The following TIGAR variants were observed in gnomAD, a reference collection of about 807,000 sequenced individuals.
The protein encoded by TIGAR is fructose-2,6-bisphosphatase TIGAR.
Under a neutral mutation model 17.9 loss-of-function variants are expected in TIGAR, and 7 were observed. The observed-to-expected ratio is 0.39, with a 90% confidence interval of 0.22 to 0.73. TIGAR has a LOEUF of 0.73. TIGAR is among the 30% of genes least tolerant of loss of function. The pLI is 0.42. For missense variants in TIGAR, 258 were observed against 327.4 expected (o/e 0.79, Z 1.64); for synonymous variants, 94 against 108.6 (o/e 0.87, Z 0.84).
chr12:4,328,213 T>C (rs10849038), intron 1 of TIGAR, among the ~76,000 whole-genome samples: 131,880 of 152,050 alleles, frequency 0.87, 57,337 homozygotes, highest in East Asian at 0.98. Flanking sequence ...TTTTTTGAGA[T>C]GAGGTCTTGC....
intron 3 of TIGAR, 85 bp downstream of exon 3, chr12:4,337,245 C>A: frequency 1.0e-6 from 1 of 964,636 alleles, no homozygotes; most frequent in Non-Finnish European, 1.5e-6. Flanking sequence ...CTGTTCACTG[C>A]AACCTCCATC....
intron 1 of TIGAR, among the ~76,000 whole-genome samples, chr12:4,330,670 T>G (rs1403018948): frequency 6.6e-6 from 1 of 152,166 alleles, no homozygotes; most frequent in African/African-American, 2.4e-5. Flanking sequence ...ACCCTTCCGG[T>G]TGGTTCAGAT....
Position 4,321,969 on chromosome 12 carries a change from G to T in TIGAR, c.32+666G>T, listed in dbSNP as rs1423722726. On this transcript the variant is annotated intron_variant, in intron 1 of 5. Coordinates refer to ENST00000179259, the MANE Select transcript of TIGAR (RefSeq NM_020375.3). This position sits in a 1 kb window ranked among gnomAD's most constrained non-coding sequence, Gnocchi z 5.2. ...AGTGTTAACGGGAGGTGAAAATCAGGGTAGTTAAGAGCACAGATTTTTATT... is the reference window on the plus strand; with the variant it reads ...AGTGTTAACGGGAGGTGAAAATCAGTGTAGTTAAGAGCACAGATTTTTATT... 1.3e-5 allele frequency among the ~76,000 whole-genome samples: 2 copies of T among 151,606 alleles called. No individual in the cohort carries two copies. The highest frequency in any genetic ancestry group is 2.9e-5 in the Non-Finnish European group (2 of 67,936).
Position 4,354,645 on chromosome 12 carries a change from T to C in TIGAR, c.*1954T>C, listed in dbSNP as rs768639542. 2 of 152,030 alleles carry C rather than the reference T, an allele frequency of 1.3e-5. No homozygotes were observed. Among genetic ancestry groups the C allele is most frequent in the Non-Finnish European group, 2.9e-5 (2 of 68,006 alleles). The allele number at this position is 152,030 out of a possible 1,614,324, so 9.4% of individuals were successfully genotyped here. ...TGATATATATAGATCTAGTTAATTA[T>C]AACCACTCTATTCTATTAAATATAG... On this transcript the variant is annotated 3_prime_UTR_variant, in exon 6 of 6. Transcript: ENST00000179259.
rs1864940860 is a variant in TIGAR at position 4,358,712 on chromosome 12, G to C, written c.*6021G>C. Among the ~76,000 whole-genome samples the C allele has an allele frequency of 6.7e-6, 1 of 149,114 alleles. No individual in the cohort carries two copies. The highest frequency in any genetic ancestry group is 1.5e-5 in the Non-Finnish European group (1 of 67,574). ...TTTAAATTCTGTCAATTATTTTGTT[G>C]ATGTACCTGTGGCTTTTTTTTTTTT... On this transcript the variant is annotated 3_prime_UTR_variant, in exon 6 of 6. Transcript: ENST00000179259.
chr12:4,329,322 A>C, intron 1 of TIGAR, among the ~76,000 whole-genome samples: 1 of 142,656 alleles, frequency 7.0e-6, no homozygotes, highest in South Asian at 2.2e-4. Context: ...TACTGTAGCT[A>C]ATGATCTTTT....
intron 1 of TIGAR, among the ~76,000 whole-genome samples, chr12:4,328,349 G>T (rs1445005017): frequency 6.6e-6 from 1 of 151,660 alleles, no homozygotes; most frequent in Non-Finnish European, 1.5e-5. Context: ...CTGCCACCAC[G>T]CCTGGCTAAT....
intron 1 of TIGAR, among the ~76,000 whole-genome samples, chr12:4,323,057 G>A (rs1864498109): frequency 6.6e-6 from 1 of 151,110 alleles, no homozygotes; most frequent in Admixed American, 6.6e-5. Context: ...CTTGAGCACA[G>A]GAGTTCAAGA....
At chr12:4,325,222 G>A (rs956412109) in intron 1 of TIGAR, among the ~76,000 whole-genome samples, 4 of 151,900 alleles carry the variant, frequency 2.6e-5, no homozygotes. Context: ...GATTACAGGC[G>A]TGAGCCACCC....
intron 3 of TIGAR, 50 bp from the exon 4 acceptor site, chr12:4,349,769 A>G (rs1385370143): frequency 1.1e-5 from 15 of 1,426,162 alleles, no homozygotes; most frequent in Non-Finnish European, 1.5e-5. Flanking sequence ...TGCTTCCACC[A>G]GAATGGTGAT....
In TIGAR at chr12:4,356,171, C is replaced by T. The variant is rs1286844359; in HGVS notation, c.*3480C>T. Among the ~76,000 whole-genome samples the T allele has an allele frequency of 2.0e-5, 3 of 152,140 alleles. No homozygotes were observed. Among genetic ancestry groups the T allele is most frequent in the Non-Finnish European group, 4.4e-5 (3 of 68,028 alleles). On this transcript the variant is annotated 3_prime_UTR_variant, in exon 6 of 6. Transcript: ENST00000179259. ...GTTGGAGGCAGGGAAGATGGCAGCA[C>T]TGGCTGTTGGGCCATTTGAAGAAGC...
At position 4,351,396 on chromosome 12, in the gene TIGAR, G is replaced by A. The variant is rs74431264; in HGVS notation, c.381+19G>A. On this transcript the variant is annotated intron_variant, in intron 5 of 5. Coordinates refer to ENST00000179259, the MANE Select transcript of TIGAR (RefSeq NM_020375.3). Reference sequence around the variant, plus strand: ...GGACCAGGTATGTGGCGCTGCCGATGTCAGAATGGTTGAATTAAGACTCAA... The same window carrying A: ...GGACCAGGTATGTGGCGCTGCCGATATCAGAATGGTTGAATTAAGACTCAA... 3,836 of 1,598,888 alleles carry A rather than the reference G, an allele frequency of 2.4e-3. 95 individuals carry two copies. The African/African-American group carries it at 0.044, about 19-fold the overall frequency.
intron 3 of TIGAR, among the ~76,000 whole-genome samples, chr12:4,339,227 C>A (rs1864693686): frequency 6.6e-6 from 1 of 151,746 alleles, no homozygotes; most frequent in African/African-American, 2.4e-5. Context: ...ATATTACAAC[C>A]AATATCTCAG....
In TIGAR at chr12:4,352,256, G is replaced by C; in HGVS notation, c.382-4G>C. The stretch of plus-strand genomic sequence containing the variant: ...TATTTTGACTTTTATTTCTTTTCTT[G>C]TAGGTGAAAATGCGTGGAATAGACT... On this transcript the variant is annotated splice_region_variant and splice_polypyrimidine_tract_variant and intron_variant, in intron 5 of 5. Transcript: ENST00000179259. The C allele has an allele frequency of 6.3e-7, 1 of 1,598,648 alleles. No individual in the cohort carries two copies. Among genetic ancestry groups the C allele is most frequent in the Non-Finnish European group, 8.5e-7 (1 of 1,172,696 alleles).
intron 3 of TIGAR, among the ~76,000 whole-genome samples, chr12:4,345,393 A>G (rs1864768646): frequency 6.6e-6 from 1 of 152,246 alleles, no homozygotes; most frequent in Admixed American, 6.5e-5. Flanking sequence ...ACAGCATGGT[A>G]CTGGTACCAA....
rs2120695831 is a variant in TIGAR, at chr12:4,352,563, G to T, written c.685G>T (p.Val229Phe). ...ATLSRSELMS[V>F]TPNTGMSLFI... ...TCTGAGCAGATCTGAACTTATGTCA[G>T]TCACTCCCAATACAGGGATGAGTCT... Residue 229 changes from valine to phenylalanine, a missense_variant, in exon 6 of 6, where the codon GTC becomes TTC. Physicochemically the swap from Val to Phe is conservative, Grantham distance 50. Transcript: ENST00000179259. 3.7e-6 allele frequency: 6 copies of T among 1,613,970 alleles called. No homozygotes were observed. In the Middle Eastern group the frequency reaches 8.2e-4, roughly 222 times the overall value.
Position 4,356,348 on chromosome 12 carries a change from A to G in TIGAR, c.*3657A>G, listed in dbSNP as rs780012109. On this transcript the variant is annotated 3_prime_UTR_variant, in exon 6 of 6. Transcript: ENST00000179259. ...TCATTTTGCCTGAGTCTTTTATGCAATGATATTTTATTTGTAATATTTTCC... is the reference window on the plus strand; with the variant it reads ...TCATTTTGCCTGAGTCTTTTATGCAGTGATATTTTATTTGTAATATTTTCC... Among the ~76,000 whole-genome samples the G allele has an allele frequency of 1.3e-5, 2 of 152,176 alleles. No individual in the cohort carries two copies. The highest frequency in any genetic ancestry group is 2.4e-5 in the African/African-American group (1 of 41,436).
intron 4 of TIGAR, among the ~76,000 whole-genome samples, 170 bp downstream of exon 4, chr12:4,350,066 CTTA>C (rs938933779): frequency 3.9e-5 from 6 of 152,076 alleles, no homozygotes; most frequent in Admixed American, 6.5e-5. Flanking sequence ...TATATAGGAT[CTTA>C]TTATTAAAAT....
intron 3 of TIGAR, among the ~76,000 whole-genome samples, chr12:4,344,764 AG>A (rs1864761886): frequency 6.6e-6 from 1 of 152,218 alleles, no homozygotes; most frequent in African/African-American, 2.4e-5. Context: ...AGTTCTGGCC[AG>A]GGCAATCAGG....
Sources: gnomAD v4.1 joint callset for allele counts (sites outside exome capture counted in the v4.1 genomes callset) on GRCh38, gnomAD v4.1.1 for gene constraint, Gnocchi (gnomAD v3.1) non-coding constraint, MANE v1.5 for transcripts, NCBI Gene and HGNC (gene_info 2026-07-23, HGNC 2026-07-21) for gene names.